Variants in ALK observed in about 807,000 individuals in gnomAD.
The protein encoded by ALK is ALK tyrosine kinase receptor.
A neutral mutation model predicts 163.1 loss-of-function variants in ALK; 74 were observed. The observed-to-expected ratio is 0.45, with a 90% CI of 0.38 to 0.55. The LOEUF (loss-of-function observed/expected upper bound fraction) is 0.55, where lower values mean the gene tolerates loss of function less well. Among genes scored for constraint, ALK ranks in the 20% least tolerant of loss-of-function variants. The pLI is 0.00. For synonymous variants in ALK, 960 were observed against 843.2 expected (o/e 1.14, Z -2.40); for missense variants, 2,063 against 2,105.3 (o/e 0.98, Z 0.39).
At position 29,328,227 on chromosome 2, in the gene ALK, G is replaced by A. The variant is rs768262191; in HGVS notation, c.1414+123C>T. ...AGACTGTGTGGCTTTGCCATGAGAG[G>A]AGTCACAAGTGTCAGTGGATATCAG... On this transcript the variant is annotated intron_variant, in intron 6 of 28. Transcript: ENST00000389048. 7.8e-5 allele frequency: 108 copies of A among 1,383,188 alleles called. 1 individual carries two copies. Among genetic ancestry groups the A allele is most frequent in the Non-Finnish European group, 1.0e-4 (101 of 980,014 alleles). The allele number at this position is 1,383,188 out of a possible 1,614,324, so 85.7% of individuals were successfully genotyped here.
At chr2:29,851,376 A>G (rs1293988240) in intron 1 of ALK, among the ~76,000 whole-genome samples, 2 of 152,050 alleles carry the variant, frequency 1.3e-5, no homozygotes, top group Non-Finnish European at 2.9e-5. Context: ...GACTCATTTC[A>G]ATTTCTCAAA....
At chr2:29,399,597 T>C (rs1669393761) in intron 4 of ALK, among the ~76,000 whole-genome samples, 1 of 152,188 alleles carries the variant, frequency 6.6e-6, no homozygotes, top group African/African-American at 2.4e-5. Context: ...CACTCCCTTA[T>C]CCACCCCTTG....
At chr2:29,491,591 G>A (rs894426959) in intron 4 of ALK, among the ~76,000 whole-genome samples, 4 of 152,160 alleles carry the variant, frequency 2.6e-5, no homozygotes, top group African/African-American at 2.4e-5. Context: ...ACATTATTCC[G>A]ACAAAATTGG....
chr2:29,553,688 C>G (rs1183489645), intron 3 of ALK, among the ~76,000 whole-genome samples: 1 of 152,210 alleles, frequency 6.6e-6, no homozygotes, highest in Non-Finnish European at 1.5e-5. Flanking sequence ...TAATTGCTTA[C>G]CGATGAGGCT....
chr2:29,526,800 C>A (rs576560910), intron 4 of ALK, among the ~76,000 whole-genome samples: 8 of 152,236 alleles, frequency 5.3e-5, no homozygotes, highest in African/African-American at 1.9e-4. Context: ...TGAAGTTCAA[C>A]CCAGAGCAGC....
intron 1 of ALK, among the ~76,000 whole-genome samples, chr2:29,864,031 T>C (rs538385933): frequency 4.6e-5 from 7 of 152,332 alleles, no homozygotes; most frequent in African/African-American, 1.4e-4. Flanking sequence ...TCTTATTTCA[T>C]AATTATGATA....
intron 2 of ALK, among the ~76,000 whole-genome samples, chr2:29,696,940 A>AAT (rs1272938487): frequency 6.6e-6 from 1 of 151,650 alleles, no homozygotes; most frequent in Non-Finnish European, 1.5e-5. Flanking sequence ...AAAAAAATAA[A>AAT]ATAAAATAAA....
At chr2:29,452,332 G>GTTTTTTTT (rs66533654) in intron 4 of ALK, among the ~76,000 whole-genome samples, 22 of 146,074 alleles carry the variant, frequency 1.5e-4, no homozygotes, top group Non-Finnish European at 2.4e-4. Flanking sequence ...AGTTTTTTTT[G>GTTTTTTTT]TTTTTTTTTT....
intron 15 of ALK, among the ~76,000 whole-genome samples, chr2:29,230,736 C>T (rs966881037): frequency 6.6e-5 from 10 of 152,116 alleles, no homozygotes; most frequent in East Asian, 1.9e-4. Context: ...GGGTTTGTTT[C>T]GCTGTCCTCC....
chr2:29,794,536 T>C (rs185474948), intron 1 of ALK, among the ~76,000 whole-genome samples: 1 of 152,274 alleles, frequency 6.6e-6, no homozygotes, highest in African/African-American at 2.4e-5. Context: ...CCAAACTTAA[T>C]CATGTCTAGT....
At chr2:29,863,954 C>T (rs1020976916) in intron 1 of ALK, among the ~76,000 whole-genome samples, 1 of 152,198 alleles carries the variant, frequency 6.6e-6, no homozygotes, top group Non-Finnish European at 1.5e-5. Flanking sequence ...CTCCCAACAG[C>T]CTGTCGTGCA....
At chr2:29,234,419 A>G (rs927365064) in intron 13 of ALK, among the ~76,000 whole-genome samples, 2 of 152,192 alleles carry the variant, frequency 1.3e-5, no homozygotes, top group African/African-American at 2.4e-5. Flanking sequence ...GAAAAAAACC[A>G]GCAAGAGGCC....
chr2:29,785,540 G>T (rs894818201), intron 1 of ALK, among the ~76,000 whole-genome samples: 26 of 152,094 alleles, frequency 1.7e-4, no homozygotes, highest in African/African-American at 6.0e-4. Flanking sequence ...AGTTCCATTT[G>T]TCCACAACCT....
At chr2:29,228,510 G>A (rs1439537073) in intron 16 of ALK, among the ~76,000 whole-genome samples, 3 of 152,180 alleles carry the variant, frequency 2.0e-5, no homozygotes, top group African/African-American at 4.8e-5. Flanking sequence ...GGAGTAAGGA[G>A]TCCATGAAAC....
chr2:29,819,106 T>C (rs1237492225), intron 1 of ALK, among the ~76,000 whole-genome samples: 1 of 152,176 alleles, frequency 6.6e-6, no homozygotes, highest in Non-Finnish European at 1.5e-5. Flanking sequence ...CCAATCAGGA[T>C]CATCAGGGAG....
At chr2:29,497,870 C>G (rs1672070807) in intron 4 of ALK, among the ~76,000 whole-genome samples, 1 of 152,108 alleles carries the variant, frequency 6.6e-6, no homozygotes, top group Admixed American at 6.5e-5. Flanking sequence ...TATTGCTCTC[C>G]TGGTCCAAAA....
At chr2:29,433,054 A>G (rs1670312188) in intron 4 of ALK, among the ~76,000 whole-genome samples, 1 of 152,222 alleles carries the variant, frequency 6.6e-6, no homozygotes, top group Admixed American at 6.5e-5. Flanking sequence ...TCCTCTTTAT[A>G]GGACCCTTAG....
intron 1 of ALK, among the ~76,000 whole-genome samples, chr2:29,854,574 T>C (rs1238491756): frequency 6.6e-6 from 1 of 152,190 alleles, no homozygotes; most frequent in Non-Finnish European, 1.5e-5. Flanking sequence ...AAATAAACTT[T>C]TATTTACCAG....
chr2:29,437,382 G>A (rs1164006821), intron 4 of ALK, among the ~76,000 whole-genome samples: 2 of 152,114 alleles, frequency 1.3e-5, no homozygotes, highest in Non-Finnish European at 2.9e-5. Context: ...CTGACTCACA[G>A]GTAGGCCATG....
Sources: gnomAD v4.1 joint callset for allele counts (sites outside exome capture counted in the v4.1 genomes callset) on GRCh38, gnomAD v4.1.1 for gene constraint, MANE v1.5 for transcripts, NCBI Gene and HGNC (gene_info 2026-07-23, HGNC 2026-07-21) for gene names.